The following ECE1 variants were observed in gnomAD, a reference collection of about 807,000 sequenced individuals.
ECE1 encodes endothelin-converting enzyme 1.
ECE1 carries 35 observed loss-of-function variants against 98.6 expected under a neutral mutation model. The observed-to-expected ratio is 0.35, with a 90% CI of 0.27 to 0.47. The LOEUF is 0.47. Ranked by LOEUF, ECE1 falls within the 20% of genes least tolerant of loss-of-function variation. The pLI is 1.00. For synonymous variants in ECE1, 394 were observed against 407.1 expected (o/e 0.97, Z 0.39); for missense variants, 814 against 1,025.3 (o/e 0.79, Z 2.81).
At chr1:21,326,289 T>C (rs542986692) in intron 1 of ECE1, among the ~76,000 whole-genome samples, 234 of 152,088 alleles carry the variant, frequency 1.5e-3, no homozygotes, top group African/African-American at 5.3e-3. Context: ...AGGATCAAGC[T>C]TGTCTCTTGA....
intron 8 of ECE1, among the ~76,000 whole-genome samples, chr1:21,250,427 G>T (rs12060308): frequency 0.012 from 1,845 of 152,240 alleles, 42 homozygotes; most frequent in African/African-American, 0.042. Context: ...CACTTAGATG[G>T]ATATGTCTGG....
At chr1:21,285,556 G>A (rs746507570) in intron 2 of ECE1, among the ~76,000 whole-genome samples, 5 of 152,044 alleles carry the variant, frequency 3.3e-5, no homozygotes, top group Non-Finnish European at 5.9e-5. Flanking sequence ...CAGGCATGAC[G>A]GCTCATATCT....
In ECE1 at chr1:21,224,737, C is replaced by T. The variant is rs569146695; in HGVS notation, c.2040+513G>A. Among the ~76,000 whole-genome samples the T allele has an allele frequency of 1.2e-3, 188 of 152,270 alleles. 1 individual carries two copies. The highest frequency in any genetic ancestry group is 4.4e-3 in the African/African-American group (181 of 41,562). ...CTCTGAGTGTCTCTCTGGGTCAGCCCGTGTCTAAATCATCTTGTTTTATCT... is the reference window on the plus strand; with the variant it reads ...CTCTGAGTGTCTCTCTGGGTCAGCCTGTGTCTAAATCATCTTGTTTTATCT... On this transcript the variant is annotated intron_variant, in intron 17 of 18. Transcript: ENST00000374893.
chr1:21,240,626 G>A (rs2098194897), intron 10 of ECE1, among the ~76,000 whole-genome samples: 2 of 152,200 alleles, frequency 1.3e-5, no homozygotes, highest in Admixed American at 1.3e-4. Flanking sequence ...TCTTACCCAT[G>A]TTCTTTTTAG....
rs555317586 is a variant in ECE1 at position 21,228,239 on chromosome 1, G to A, written c.1671-198C>T. Among the ~76,000 whole-genome samples, 46 of 152,158 alleles carry A rather than the reference G, an allele frequency of 3.0e-4. No homozygotes were observed. In the South Asian group the frequency reaches 8.1e-3, roughly 27 times the overall value. On this transcript the variant is annotated intron_variant, in intron 14 of 18. Transcript: ENST00000374893. ...TTTTGAGACAGGGTCTCGTTCTGTC[G>A]CCTAGGCTGGAGTGCAGTCGTGTGA...
At chr1:21,321,209 G>A (rs562312187) in intron 1 of ECE1, among the ~76,000 whole-genome samples, 76 of 152,290 alleles carry the variant, frequency 5.0e-4, no homozygotes, top group African/African-American at 1.8e-3. Flanking sequence ...CAATCTTGCT[G>A]CTCCCCAGGC....
At chr1:21,334,558 C>T (rs894160926) in intron 1 of ECE1, among the ~76,000 whole-genome samples, 3 of 152,202 alleles carry the variant, frequency 2.0e-5, no homozygotes, top group South Asian at 2.1e-4. Flanking sequence ...TGTGCGGAAG[C>T]GAGGGAGGCA....
chr1:21,220,947 C>T lies in ECE1; in HGVS notation c.2136+800G>A, dbSNP rs1176387847. Among the ~76,000 whole-genome samples the T allele has an allele frequency of 6.6e-6, 1 of 152,212 alleles. No individual in the cohort carries two copies. The highest frequency in any genetic ancestry group is 1.5e-5 in the Non-Finnish European group (1 of 68,044). Reference sequence around the variant, plus strand: ...GTGTGCCACCCCCCATGCCAGCAGCCTCTAACGCAGTTGTCTCCAAACTGT... The same window carrying T: ...GTGTGCCACCCCCCATGCCAGCAGCTTCTAACGCAGTTGTCTCCAAACTGT... On this transcript the variant is annotated intron_variant, in intron 18 of 18. Transcript: ENST00000374893. The surrounding 1 kb of genome is among the most constrained non-coding windows in gnomAD (Gnocchi z 5.0).
In ECE1 at chr1:21,225,465, G is replaced by T; in HGVS notation, c.1850-25C>A. 6.2e-7 allele frequency: 1 copy of T among 1,612,090 alleles called. No homozygotes were observed. Among genetic ancestry groups the T allele is most frequent in the Non-Finnish European group, 8.5e-7 (1 of 1,179,244 alleles). On this transcript the variant is annotated intron_variant, in intron 16 of 18. Coordinates refer to ENST00000374893, the MANE Select transcript of ECE1 (RefSeq NM_001397.3). This position sits in a 1 kb window ranked among gnomAD's most constrained non-coding sequence, Gnocchi z 5.3. Reference sequence around the variant, plus strand: ...CCTGTGGGTCAGAGGGAGGCGTCATGTCAAGGGAGGGAGGGGCACAGCAGG... The same window carrying T: ...CCTGTGGGTCAGAGGGAGGCGTCATTTCAAGGGAGGGAGGGGCACAGCAGG...
chr1:21,333,024 G>A (rs1639236175), intron 1 of ECE1, among the ~76,000 whole-genome samples: 1 of 152,120 alleles, frequency 6.6e-6, no homozygotes, highest in Non-Finnish European at 1.5e-5. Flanking sequence ...CAGTCTTCCT[G>A]GGAGGGACTT....
intron 1 of ECE1, among the ~76,000 whole-genome samples, chr1:21,333,828 C>T (rs1045215284): frequency 6.0e-5 from 9 of 151,214 alleles, no homozygotes; most frequent in Non-Finnish European, 7.4e-5. Flanking sequence ...AGCGAGACTC[C>T]GTCTCAAAAA....
Position 21,307,265 on chromosome 1 carries a change from G to T in ECE1, c.4-17109C>A, listed in dbSNP as rs191094877. Reference sequence around the variant, plus strand: ...CACTTTTGCTCTTCACAGCGACTCTGGGGGGCTGGAGCTAGCATCTCCACA... The same window carrying T: ...CACTTTTGCTCTTCACAGCGACTCTTGGGGGCTGGAGCTAGCATCTCCACA... On this transcript the variant is annotated intron_variant, in intron 1 of 18. Coordinates refer to the ECE1 transcript ENST00000415912. This position sits in a 1 kb window ranked among gnomAD's most constrained non-coding sequence, Gnocchi z 4.2. 1.2e-4 allele frequency among the ~76,000 whole-genome samples: 18 copies of T among 152,314 alleles called. No individual in the cohort carries two copies. Among genetic ancestry groups the T allele is most frequent in the Admixed American group, 7.2e-4 (11 of 15,306 alleles).
chr1:21,309,220 G>A (rs1448507186), intron 1 of ECE1, among the ~76,000 whole-genome samples: 1 of 152,210 alleles, frequency 6.6e-6, no homozygotes, highest in East Asian at 1.9e-4. Flanking sequence ...AGAACCCTGG[G>A]CTGGAGTCAG....
At chr1:21,292,504 T>C (rs554570466), upstream of ECE1, among the ~76,000 whole-genome samples, 2 of 152,362 alleles carry the variant, frequency 1.3e-5, no homozygotes, top group East Asian at 3.9e-4. Context: ...AATTCTCTGT[T>C]ACAGCATCCT....
chr1:21,272,914 G>C lies in ECE1; in HGVS notation c.281-3C>G, dbSNP rs781406265. ...GCTCAGGCACACAGAGGGGGATCCT[G>C]GAAGGGTTAAGGACAAGAGGCCAGT... On this transcript the variant is annotated splice_polypyrimidine_tract_variant and splice_region_variant and intron_variant, in intron 3 of 18. Transcript: ENST00000374893. The C allele has an allele frequency of 6.2e-7, 1 of 1,614,074 alleles. No individual in the cohort carries two copies. The highest frequency in any genetic ancestry group is 1.1e-5 in the South Asian group (1 of 91,076).
chr1:21,222,174 G>GCA (rs34333838), intron 17 of ECE1: 8,897 of 370,290 alleles, frequency 0.024, 135 homozygotes, highest in Non-Finnish European at 0.029. Context: ...GTGTGTGCAT[G>GCA]CACACACACA....
At position 21,236,799 on chromosome 1, in the gene ECE1, G is replaced by C; in HGVS notation, c.1435C>G (p.Leu479Val). The change falls in exon 12 of 19, where the codon CTG becomes GTG. Residue 479 changes from leucine to valine, a missense_variant. Around this residue, in one of 3 missense-constraint regions of ECE1, gnomAD observed 452 missense variants for 567.3 expected, o/e 0.80. Coordinates refer to ENST00000374893, the MANE Select transcript of ECE1 (RefSeq NM_001397.3). ...TCATCCATCCACTTCAGGGTGCTCA[G>C]GCTTTCCTCAAATGCCTTCTTAATC... ...LEIKKAFEESLSTLKWMDEET... is the reference protein window; with the variant it reads ...LEIKKAFEESVSTLKWMDEET... The C allele has an allele frequency of 6.2e-7, 1 of 1,613,922 alleles. No individual in the cohort carries two copies. Among genetic ancestry groups the C allele is most frequent in the Non-Finnish European group, 8.5e-7 (1 of 1,180,032 alleles).
chr1:21,276,708 C>T (rs1271361220), intron 3 of ECE1, among the ~76,000 whole-genome samples: 2 of 134,224 alleles, frequency 1.5e-5, no homozygotes, highest in South Asian at 2.4e-4. Context: ...TTTTTTGAGA[C>T]GGAGTCTCGC....
At position 21,237,858 on chromosome 1, in the gene ECE1, C is replaced by A. The variant is rs985414079; in HGVS notation, c.1389+276G>T. Reference sequence around the variant, plus strand: ...AACATTCTCTCTGGGTCGTTCACAGCCCTTGGAGGTGGGGATGGCTGTCAC... The same window carrying A: ...AACATTCTCTCTGGGTCGTTCACAGACCTTGGAGGTGGGGATGGCTGTCAC... On this transcript the variant is annotated intron_variant, in intron 11 of 18. Coordinates refer to ENST00000374893, the MANE Select transcript of ECE1 (RefSeq NM_001397.3). 2.8e-4 allele frequency among the ~76,000 whole-genome samples: 42 copies of A among 152,252 alleles called. 1 individual carries two copies. Among genetic ancestry groups the A allele is most frequent in the Non-Finnish European group, 1.5e-4 (10 of 68,046 alleles).
Sources: gnomAD v4.1 joint callset for allele counts (sites outside exome capture counted in the v4.1 genomes callset) on GRCh38, gnomAD v4.1.1 for gene constraint, gnomAD v4.1.1 regional missense constraint, Gnocchi (gnomAD v3.1) non-coding constraint, MANE v1.5 for transcripts, NCBI Gene and HGNC (gene_info 2026-07-23, HGNC 2026-07-21) for gene names.